The following SGCD variants were observed in gnomAD, a reference collection of about 807,000 sequenced individuals.
The protein encoded by SGCD is sarcoglycan delta.
Under a neutral mutation model 36.6 loss-of-function variants are expected in SGCD, and 18 were observed. The observed-to-expected ratio is 0.49, with a 90% CI of 0.34 to 0.73. SGCD has a LOEUF of 0.73. Ranked by LOEUF, SGCD falls within the 30% of genes least tolerant of loss-of-function variation. SGCD has a pLI of 0.01. For synonymous variants in SGCD, 133 were observed against 130.6 expected, an observed-to-expected ratio of 1.02 and a Z score of -0.12; for missense variants, 387 against 346.7, an observed-to-expected ratio of 1.12 and a Z score of -0.92.
At chr5:156,361,178 C>G (rs1769773029) in intron 3 of SGCD, among the ~76,000 whole-genome samples, 1 of 152,210 alleles carries the variant, frequency 6.6e-6, no homozygotes, top group African/African-American at 2.4e-5. Context: ...TCATGCGCTC[C>G]CTCCTGCAAG....
chr5:156,579,299 T>C (rs1760135116), intron 4 of SGCD, among the ~76,000 whole-genome samples: 1 of 152,232 alleles, frequency 6.6e-6, no homozygotes, highest in South Asian at 2.1e-4. Context: ...ATTTCTGCTC[T>C]TTTACATTTG....
intron 1 of SGCD, among the ~76,000 whole-genome samples, chr5:156,084,476 T>C (rs256775): frequency 0.39 from 59,143 of 151,974 alleles, 11,804 homozygotes; most frequent in Non-Finnish European, 0.4. Flanking sequence ...CCAGGCTAGA[T>C]CCTGCTTAGC....
intron 4 of SGCD, among the ~76,000 whole-genome samples, chr5:156,531,731 G>A (rs148160792): frequency 1.6e-4 from 24 of 152,180 alleles, no homozygotes; most frequent in African/African-American, 5.8e-4. Context: ...AGTCTTATAT[G>A]CATAGCCTTA....
At chr5:155,778,655 T>C in the SGCD span, among the ~76,000 whole-genome samples, 17 of 152,208 alleles carry the variant, frequency 1.1e-4, no homozygotes, top group South Asian at 3.5e-3. Flanking sequence ...GGAACAGTTT[T>C]GGTTTAGCCT....
intron 7 of SGCD, among the ~76,000 whole-genome samples, chr5:156,685,969 T>A (rs1489423159): frequency 6.6e-6 from 1 of 152,178 alleles, no homozygotes; most frequent in Non-Finnish European, 1.5e-5. Flanking sequence ...CACTGGGTAC[T>A]AGACTTATCG....
the SGCD span, among the ~76,000 whole-genome samples, chr5:155,814,870 G>T: frequency 6.6e-6 from 1 of 152,152 alleles, no homozygotes; most frequent in African/African-American, 2.4e-5. Context: ...GATTTCTAAT[G>T]TAAATCTTAA....
At chr5:156,075,354 A>G (rs75213665) in intron 1 of SGCD, among the ~76,000 whole-genome samples, 4,478 of 152,294 alleles carry the variant, frequency 0.029, 220 homozygotes, top group African/African-American at 0.1. Flanking sequence ...AGAGTAAAAA[A>G]GAAAAAACTA....
At chr5:156,438,010 A>G (rs1338329576) in intron 3 of SGCD, among the ~76,000 whole-genome samples, 2 of 152,194 alleles carry the variant, frequency 1.3e-5, no homozygotes, top group Admixed American at 6.6e-5. Flanking sequence ...ATGCCTAAGC[A>G]TGCTACCTGG....
chr5:156,328,812 G>A (rs1487089689), intron 1 of SGCD, among the ~76,000 whole-genome samples: 1 of 152,104 alleles, frequency 6.6e-6, no homozygotes, highest in East Asian at 1.9e-4. Context: ...GGAAGGGGGT[G>A]TAGTTAGAAG....
At chr5:155,967,424 G>A (rs955482035) in intron 1 of SGCD, among the ~76,000 whole-genome samples, 6 of 151,908 alleles carry the variant, frequency 3.9e-5, no homozygotes, top group African/African-American at 1.5e-4. Flanking sequence ...ATTATTGCAT[G>A]GGCCTTTCTA....
At chr5:155,763,859 A>G in the SGCD span, among the ~76,000 whole-genome samples, 5 of 125,272 alleles carry the variant, frequency 4.0e-5, no homozygotes, top group Admixed American at 9.6e-5. Context: ...CTTCAATTAT[A>G]TACCTCTCTC....
At chr5:156,722,822 C>G (rs1392275666) in intron 7 of SGCD, among the ~76,000 whole-genome samples, 1 of 152,186 alleles carries the variant, frequency 6.6e-6, no homozygotes, top group African/African-American at 2.4e-5. Flanking sequence ...CTACTTCTAA[C>G]TTTTGAATCT....
chr5:156,266,897 C>G (rs1336954213), intron 3 of SGCD, among the ~76,000 whole-genome samples: 2 of 151,858 alleles, frequency 1.3e-5, no homozygotes, highest in Non-Finnish European at 2.9e-5. Flanking sequence ...TGAGAGAAAG[C>G]TCAGCATGTT....
chr5:156,273,502 G>C (rs566458663), intron 3 of SGCD, among the ~76,000 whole-genome samples: 4 of 152,100 alleles, frequency 2.6e-5, no homozygotes, highest in Non-Finnish European at 5.9e-5. Flanking sequence ...AGTCTTACTG[G>C]CATAACTTTC....
chr5:156,039,794 C>T (rs932494846), intron 1 of SGCD, among the ~76,000 whole-genome samples: 2 of 152,104 alleles, frequency 1.3e-5, no homozygotes, highest in Non-Finnish European at 2.9e-5. Context: ...AGAGAAGTAA[C>T]ATATCGTGGG....
chr5:156,548,512 T>C (rs1384736537), intron 4 of SGCD, among the ~76,000 whole-genome samples: 1 of 152,222 alleles, frequency 6.6e-6, no homozygotes, highest in African/African-American at 2.4e-5. Context: ...AAATTGGATA[T>C]AGATAATTAA....
intron 1 of SGCD, among the ~76,000 whole-genome samples, chr5:156,011,061 T>TAAAA (rs1371741181): frequency 6.6e-6 from 1 of 152,200 alleles, no homozygotes; most frequent in African/African-American, 2.4e-5. Context: ...TATGCATGTT[T>TAAAA]ACCATTGTGG....
chr5:156,461,265 A>C (rs1754478503), intron 3 of SGCD, among the ~76,000 whole-genome samples: 1 of 152,140 alleles, frequency 6.6e-6, no homozygotes, highest in African/African-American at 2.4e-5. Context: ...TTGTTTTTTA[A>C]TAGTTTATAA....
chr5:156,457,812 G>A (rs980518709), intron 3 of SGCD, among the ~76,000 whole-genome samples: 1 of 152,186 alleles, frequency 6.6e-6, no homozygotes, highest in African/African-American at 2.4e-5. Context: ...GGAATTCTGA[G>A]ACTATTTAAC....
Sources: gnomAD v4.1 joint callset for allele counts (sites outside exome capture counted in the v4.1 genomes callset) on GRCh38, gnomAD v4.1.1 for gene constraint, MANE v1.5 for transcripts, NCBI Gene and HGNC (gene_info 2026-07-23, HGNC 2026-07-21) for gene names.